SNTB1: variants seen among roughly 807,000 people sequenced by gnomAD.
The protein encoded by SNTB1 is beta-1-syntrophin.
Under a neutral mutation model 48.9 loss-of-function variants are expected in SNTB1, and 36 were observed. The observed-to-expected ratio is 0.74, with a 90% confidence interval of 0.56 to 0.97. The LOEUF (loss-of-function observed/expected upper bound fraction) is 0.97, where lower values mean the gene tolerates loss of function less well. Ranked by LOEUF, SNTB1 falls within the 50% of genes least tolerant of loss-of-function variation. SNTB1 has a pLI of 0.00. For synonymous variants in SNTB1, 299 were observed against 294.6 expected, an observed-to-expected ratio of 1.01 and a Z score of -0.15; for missense variants, 786 against 703.4, an observed-to-expected ratio of 1.12 and a Z score of -1.33.
chr8:120,802,493 C>T (rs781542085), intron 1 of SNTB1, among the ~76,000 whole-genome samples: 1 of 152,106 alleles, frequency 6.6e-6, no homozygotes, highest in African/African-American at 2.4e-5. Flanking sequence ...ACATCTGATG[C>T]TGCTTAAAAA....
intron 1 of SNTB1, among the ~76,000 whole-genome samples, chr8:120,711,905 T>A (rs1818469344): frequency 6.6e-6 from 1 of 152,134 alleles, no homozygotes; most frequent in African/African-American, 2.4e-5. Context: ...CTTAGTAATA[T>A]TCAAATATGT....
intron 1 of SNTB1, among the ~76,000 whole-genome samples, chr8:120,800,147 T>A (rs1732104234): frequency 6.6e-6 from 1 of 152,068 alleles, no homozygotes; most frequent in Non-Finnish European, 1.5e-5. Flanking sequence ...GGGCACCCTA[T>A]GTACCCAGGG....
intron 3 of SNTB1, among the ~76,000 whole-genome samples, chr8:120,579,435 G>C (rs1215079502): frequency 6.6e-6 from 1 of 152,108 alleles, no homozygotes; most frequent in Non-Finnish European, 1.5e-5. Context: ...CCAGTGCTTT[G>C]GGAGACCAAG....
At chr8:120,564,112 CAAAA>C in intron 4 of SNTB1, among the ~76,000 whole-genome samples, 1 of 111,620 alleles carries the variant, frequency 9.0e-6, no homozygotes. Context: ...CTGTCTCAAA[CAAAA>C]AAAAAAAAAA....
At chr8:120,795,356 T>C (rs925418143) in intron 1 of SNTB1, among the ~76,000 whole-genome samples, 2 of 152,048 alleles carry the variant, frequency 1.3e-5, no homozygotes, top group African/African-American at 4.8e-5. Flanking sequence ...TGGTGCTGTA[T>C]GTACCAGGGG....
intron 2 of SNTB1, among the ~76,000 whole-genome samples, chr8:120,671,175 A>G (rs1817751577): frequency 6.6e-6 from 1 of 152,020 alleles, no homozygotes; most frequent in Admixed American, 6.6e-5. Flanking sequence ...TTATCCACTG[A>G]TATTACCCCC....
intron 1 of SNTB1, among the ~76,000 whole-genome samples, chr8:120,737,643 C>T (rs1243983576): frequency 6.6e-6 from 1 of 152,092 alleles, no homozygotes; most frequent in African/African-American, 2.4e-5. Context: ...ATTTGTATGG[C>T]TGAGGGCAAA....
At chr8:120,586,916 G>T (rs1280827095) in intron 3 of SNTB1, among the ~76,000 whole-genome samples, 1 of 152,112 alleles carries the variant, frequency 6.6e-6, no homozygotes, top group Admixed American at 6.6e-5. Flanking sequence ...TTTCCTCTAG[G>T]TAAGTTTTAA....
intron 1 of SNTB1, among the ~76,000 whole-genome samples, chr8:120,710,824 A>G (rs1210654110): frequency 6.6e-6 from 1 of 152,074 alleles, no homozygotes; most frequent in African/African-American, 2.4e-5. Context: ...TTTTTTCTTT[A>G]TAAATTACCC....
intron 1 of SNTB1, among the ~76,000 whole-genome samples, chr8:120,809,270 G>A (rs910783346): frequency 6.6e-6 from 1 of 152,204 alleles, no homozygotes; most frequent in Non-Finnish European, 1.5e-5. Context: ...AACTTGGGCT[G>A]AGGATAAGGC....
At chr8:120,708,912 G>C (rs1587105407) in intron 1 of SNTB1, among the ~76,000 whole-genome samples, 1 of 152,116 alleles carries the variant, frequency 6.6e-6, no homozygotes, top group Non-Finnish European at 1.5e-5. Flanking sequence ...TTGAAAATCA[G>C]GATGGAATTA....
At chr8:120,586,227 A>G (rs971731393) in intron 3 of SNTB1, among the ~76,000 whole-genome samples, 8 of 152,242 alleles carry the variant, frequency 5.3e-5, no homozygotes, top group Non-Finnish European at 8.8e-5. Context: ...CCAGTGTTTC[A>G]AGAGAAGCCA....
chr8:120,647,010 T>C (rs1344442547), intron 2 of SNTB1, among the ~76,000 whole-genome samples: 9 of 151,606 alleles, frequency 5.9e-5, no homozygotes, highest in Admixed American at 4.6e-4. Flanking sequence ...TCGATGGTGA[T>C]ATCCCCTTTA....
chr8:120,650,491 C>G (rs1817395465), intron 2 of SNTB1, among the ~76,000 whole-genome samples: 1 of 151,984 alleles, frequency 6.6e-6, no homozygotes, highest in African/African-American at 2.4e-5. Context: ...CCAACAAAAC[C>G]CAAAGGGAGA....
chr8:120,781,419 GGT>G (rs1215931917), intron 1 of SNTB1, among the ~76,000 whole-genome samples: 1 of 151,998 alleles, frequency 6.6e-6, no homozygotes, highest in Non-Finnish European at 1.5e-5. Flanking sequence ...GTATGAAAAT[GGT>G]GAGAAAAAGA....
intron 4 of SNTB1, among the ~76,000 whole-genome samples, chr8:120,555,263 C>T (rs1815548044): frequency 1.3e-5 from 2 of 152,164 alleles, no homozygotes; most frequent in South Asian, 4.1e-4. Context: ...ACAGCTTCTT[C>T]TATAGAGACA....
chr8:120,613,818 G>C (rs1434035578), intron 3 of SNTB1, among the ~76,000 whole-genome samples: 1 of 152,142 alleles, frequency 6.6e-6, no homozygotes, highest in Admixed American at 6.5e-5. Flanking sequence ...GTTTGTATCA[G>C]GACATCTCAC....
intron 4 of SNTB1, among the ~76,000 whole-genome samples, chr8:120,568,356 G>A (rs1300472922): frequency 6.6e-6 from 1 of 152,170 alleles, no homozygotes; most frequent in East Asian, 1.9e-4. Flanking sequence ...AGAGAAGGCA[G>A]GGGACATTTT....
chr8:120,699,034 G>A (rs1818260017), intron 1 of SNTB1, among the ~76,000 whole-genome samples: 1 of 151,994 alleles, frequency 6.6e-6, no homozygotes, highest in African/African-American at 2.4e-5. Context: ...GAAAGAAAAG[G>A]GCTGCTAGGG....
Sources: allele counts gnomAD v4.1 joint callset (sites outside exome capture counted in the v4.1 genomes callset), GRCh38; gene constraint gnomAD v4.1.1; transcripts MANE v1.5; gene names NCBI Gene and HGNC (gene_info 2026-07-23, HGNC 2026-07-21).